Variants in SRGAP3 observed in about 807,000 individuals in gnomAD.
The protein encoded by SRGAP3 is SLIT-ROBO Rho GTPase-activating protein 3.
Under a neutral mutation model 121.1 loss-of-function variants are expected in SRGAP3, and 39 were observed. That is an observed-to-expected ratio of 0.32 (90% CI 0.25 to 0.42). SRGAP3 has a LOEUF of 0.42. SRGAP3 is among the 10% of genes least tolerant of loss of function. The pLI is 1.00. For missense variants in SRGAP3, 1,213 were observed against 1,470.6 expected, an observed-to-expected ratio of 0.82 and a Z score of 2.86; for synonymous variants, 601 against 570.0, an observed-to-expected ratio of 1.05 and a Z score of -0.77.
intron 18 of SRGAP3, among the ~76,000 whole-genome samples, chr3:9,004,749 C>T (rs1942969173): frequency 1.3e-5 from 2 of 152,190 alleles, no homozygotes; most frequent in Non-Finnish European, 2.9e-5. Context: ...TTGACCATTA[C>T]CTTATGCCAA....
At chr3:9,335,242 C>T (rs1955672619) in intron 1 of SRGAP3, among the ~76,000 whole-genome samples, 1 of 152,184 alleles carries the variant, frequency 6.6e-6, no homozygotes, top group Admixed American at 6.5e-5. Context: ...GTACTTGTTG[C>T]TAATGTTGAA....
intron 3 of SRGAP3, among the ~76,000 whole-genome samples, chr3:9,084,309 G>A (rs1450211050): frequency 5.9e-5 from 9 of 152,172 alleles, no homozygotes; most frequent in African/African-American, 1.9e-4. Context: ...AACTCAAGAC[G>A]GTGGATTCTG....
At chr3:9,252,258 G>A (rs1954034667), upstream of SRGAP3, among the ~76,000 whole-genome samples, 1 of 152,036 alleles carries the variant, frequency 6.6e-6, no homozygotes, top group Non-Finnish European at 1.5e-5. Flanking sequence ...AGATGCTGGT[G>A]TTATGCTGGT....
chr3:9,283,209 T>C (rs1954712243), intron 3 of SRGAP3, among the ~76,000 whole-genome samples: 1 of 152,226 alleles, frequency 6.6e-6, no homozygotes, highest in Non-Finnish European at 1.5e-5. Context: ...CCCAAAGTGC[T>C]GGGATTACAG....
At chr3:9,061,491 C>T (rs1006691143) in intron 5 of SRGAP3, among the ~76,000 whole-genome samples, 24 of 152,302 alleles carry the variant, frequency 1.6e-4, no homozygotes, top group East Asian at 3.9e-4. Flanking sequence ...CGATGACAAG[C>T]TCATCTACCT....
chr3:9,313,160 T>A (rs1254760337), intron 3 of SRGAP3, among the ~76,000 whole-genome samples: 4 of 152,122 alleles, frequency 2.6e-5, no homozygotes, highest in Non-Finnish European at 5.9e-5. Flanking sequence ...GCTTCCTTGC[T>A]CAAACACTAA....
At chr3:9,023,037 T>G (rs765036279) in intron 14 of SRGAP3, among the ~76,000 whole-genome samples, 3 of 152,090 alleles carry the variant, frequency 2.0e-5, no homozygotes, top group Non-Finnish European at 2.9e-5. Context: ...TAAAAAGCAG[T>G]GCTACCAGAG....
intron 1 of SRGAP3, among the ~76,000 whole-genome samples, chr3:9,144,580 G>A (rs553993355): frequency 5.3e-5 from 8 of 152,318 alleles, no homozygotes; most frequent in African/African-American, 1.2e-4. Context: ...TGCTGTTCTC[G>A]TAATGGTACG....
intron 1 of SRGAP3, among the ~76,000 whole-genome samples, chr3:9,229,082 A>AG: frequency 6.6e-6 from 1 of 151,686 alleles, no homozygotes; most frequent in East Asian, 1.9e-4. Flanking sequence ...AAAAAAAAAA[A>AG]AAAAAAAAGT....
chr3:9,111,615 C>T (rs969433693), intron 2 of SRGAP3, among the ~76,000 whole-genome samples: 12 of 152,138 alleles, frequency 7.9e-5, no homozygotes, highest in South Asian at 2.1e-4. Flanking sequence ...GCACGAGGGC[C>T]GCAGACCGCA....
Position 9,080,058 on chromosome 3 carries a change from C to T in SRGAP3, c.453G>A (p.Glu151=), listed in dbSNP as rs1241043369. 1 of 1,597,618 alleles carries T rather than the reference C, an allele frequency of 6.3e-7. No individual in the cohort carries two copies. Among genetic ancestry groups the T allele is most frequent in the Non-Finnish European group, 8.5e-7 (1 of 1,171,744 alleles). The change falls in exon 4 of 22, where the codon GAG becomes GAA. Residue 151 remains glutamate (E), a synonymous_variant. Coordinates refer to ENST00000383836, the MANE Select transcript of SRGAP3 (RefSeq NM_014850.4). ...KSKEIGLQMH[E]ELLKVTNELY... ...GCTCATTGGTCACCTTCAGGAGCTC[C>T]TCGTGCATCTGCAGGCCAATCTCCT...
chr3:9,311,649 C>T (rs559867663), intron 3 of SRGAP3, among the ~76,000 whole-genome samples: 3 of 152,266 alleles, frequency 2.0e-5, no homozygotes, highest in African/African-American at 4.8e-5. Context: ...ATTCTTCCTT[C>T]GACTTTTTTT....
At chr3:9,286,986 CT>C (rs36096507) in intron 3 of SRGAP3, among the ~76,000 whole-genome samples, 1,216 of 78,994 alleles carry the variant, frequency 0.015, 5 homozygotes, top group African/African-American at 0.041. Context: ...CACTGACACT[CT>C]TTTTTTTTTT....
In SRGAP3 at chr3:9,064,424, A is replaced by T; in HGVS notation, c.644T>A (p.Val215Glu). ...CTCCTTCATCTTCTCAATCTTCTTC[A>T]CAGAGCTGCGGCGCTGGGGCCGGTC... ...HEDRPQRRSS[V>E]KKIEKMKEKR... The change falls in exon 5 of 22, where the codon GTG (valine) becomes GAG (glutamate). Residue 215 changes from valine to glutamate, a missense_variant. Val to Glu is a moderately radical substitution (Grantham distance 121). This residue lies in a region of SRGAP3 where 793 missense variants were observed against 1,032.9 expected (regional missense o/e 0.77). Transcript: ENST00000383836. 1 of 1,614,120 alleles carries T rather than the reference A, an allele frequency of 6.2e-7. No individual in the cohort carries two copies. Among genetic ancestry groups the T allele is most frequent in the Non-Finnish European group, 8.5e-7 (1 of 1,180,012 alleles).
intron 1 of SRGAP3, among the ~76,000 whole-genome samples, chr3:9,198,590 C>G (rs1255317586): frequency 6.6e-6 from 1 of 152,188 alleles, no homozygotes; most frequent in East Asian, 1.9e-4. Context: ...GTACAGGGCC[C>G]TCCAAATTAG....
intron 15 of SRGAP3, chr3:9,014,657 G>A (rs1943542409): frequency 6.6e-6 from 1 of 152,394 alleles, no homozygotes; most frequent in Non-Finnish European, 1.5e-5. Flanking sequence ...ATGGAGGTCT[G>A]GAAAGATGAG....
chr3:9,145,341 T>C (rs1949988923), intron 1 of SRGAP3, among the ~76,000 whole-genome samples: 1 of 152,164 alleles, frequency 6.6e-6, no homozygotes, highest in Admixed American at 6.5e-5. Flanking sequence ...GGTGGTCCAC[T>C]TACCTTGGCC....
intron 1 of SRGAP3, among the ~76,000 whole-genome samples, chr3:9,230,915 T>C (rs1184461743): frequency 6.7e-6 from 1 of 150,128 alleles, no homozygotes; most frequent in South Asian, 2.1e-4. Context: ...TAGCAGGACA[T>C]GAAAAGGGGC....
chr3:9,196,916 TTTTCC>T (rs1472743541), intron 1 of SRGAP3, among the ~76,000 whole-genome samples: 22 of 152,322 alleles, frequency 1.4e-4, no homozygotes, highest in Middle Eastern at 3.4e-3. Flanking sequence ...CGTTTCTACA[TTTTCC>T]ACTCTGGCAT....
Sources: gnomAD v4.1 joint callset for allele counts (sites outside exome capture counted in the v4.1 genomes callset) on GRCh38, gnomAD v4.1.1 for gene constraint, gnomAD v4.1.1 regional missense constraint, MANE v1.5 for transcripts, NCBI Gene and HGNC (gene_info 2026-07-23, HGNC 2026-07-21) for gene names.